The following TNNI3K variants were observed in gnomAD, a reference collection of about 807,000 sequenced individuals.
TNNI3K encodes TNNI3 interacting kinase, also known as serine/threonine-protein kinase TNNI3K.
TNNI3K carries 140 observed loss-of-function variants against 114.5 expected under a neutral mutation model. The ratio of observed to expected loss-of-function variants is 1.22; its 90% CI spans 1.07 to 1.41. The LOEUF (loss-of-function observed/expected upper bound fraction) is 1.41, where lower values mean the gene tolerates loss of function less well. TNNI3K is among the 40% of genes most tolerant of loss of function. TNNI3K has a pLI of 0.00. For missense variants in TNNI3K, 1,125 were observed against 1,007.6 expected (o/e 1.12, Z -1.58); for synonymous variants, 347 against 347.5 (o/e 1.00, Z 0.02).
intron 10 of TNNI3K, 131 bp downstream of exon 10, chr1:74,353,491 C>T: frequency 1.1e-6 from 1 of 942,610 alleles, no homozygotes; most frequent in Non-Finnish European, 1.6e-6. Flanking sequence ...CAACTGCCAG[C>T]ATTTAGAATT....
At chr1:74,538,516 T>C (rs971333100) in intron 23 of TNNI3K, among the ~76,000 whole-genome samples, 12 of 152,164 alleles carry the variant, frequency 7.9e-5, no homozygotes, top group African/African-American at 2.9e-4. Context: ...GGAAAGAATA[T>C]GGAGGGTGTA....
At chr1:74,422,805 G>A (rs1665462173) in intron 17 of TNNI3K, among the ~76,000 whole-genome samples, 1 of 152,084 alleles carries the variant, frequency 6.6e-6, no homozygotes, top group Admixed American at 6.6e-5. Flanking sequence ...ATGTTCTTCA[G>A]CAGGGATAAA....
At chr1:74,382,912 G>A (rs1663273086) in intron 17 of TNNI3K, among the ~76,000 whole-genome samples, 1 of 152,118 alleles carries the variant, frequency 6.6e-6, no homozygotes, top group Non-Finnish European at 1.5e-5. Flanking sequence ...AGGGTCTGGG[G>A]ATCTTGAGTG....
intron 17 of TNNI3K, among the ~76,000 whole-genome samples, chr1:74,391,223 T>C (rs1663753818): frequency 6.6e-6 from 1 of 152,146 alleles, no homozygotes; most frequent in African/African-American, 2.4e-5. Context: ...ATCCTGCCTT[T>C]ATGGAGGTTA....
chr1:74,480,012 T>C, intron 21 of TNNI3K: 1 of 603,936 alleles, frequency 1.7e-6, no homozygotes. Flanking sequence ...CCAAATCAGC[T>C]AATATCCTCC....
chr1:74,500,858 T>C (rs1669589578), intron 23 of TNNI3K, among the ~76,000 whole-genome samples: 1 of 152,006 alleles, frequency 6.6e-6, no homozygotes, highest in Non-Finnish European at 1.5e-5. Context: ...GTTATTTCTT[T>C]TGTTTTTAAT....
chr1:74,316,905 T>C (rs541349023), intron 5 of TNNI3K, among the ~76,000 whole-genome samples: 138 of 151,700 alleles, frequency 9.1e-4, no homozygotes, highest in African/African-American at 3.2e-3. Context: ...TTCACCATGA[T>C]AGCCGGAATT....
rs879079349 is a variant in TNNI3K at position 74,370,311 on chromosome 1, T to A, written c.1691T>A (p.Leu564Ter). The A allele has an allele frequency of 1.3e-6, 2 of 1,599,784 alleles. No homozygotes were observed. The highest frequency in any genetic ancestry group is 3.4e-5 in the Admixed American group (2 of 58,372). Reference protein sequence around the residue: ...QKRILDLQSKLIIAVDVAKGM... With the variant: ...QKRILDLQSK ...AGGATTCTTGATTTGCAGTCTAAAT[T>A]AATTATTGCAGTAGATGTTGCCAAA... The change falls in exon 17 of 25, where the codon TTA becomes TAA. Residue 564 changes from leucine to a stop codon, truncating the protein, a stop_gained. Coordinates refer to ENST00000326637, the MANE Select transcript of TNNI3K (RefSeq NM_015978.3). LOFTEE classifies it high-confidence loss of function.
chr1:74,364,029 C>T (rs1662125500), intron 11 of TNNI3K, among the ~76,000 whole-genome samples: 1 of 147,826 alleles, frequency 6.8e-6, no homozygotes, highest in Admixed American at 6.8e-5. Flanking sequence ...CAGGGTCTCA[C>T]CCAGGTCTAG....
chr1:74,270,083 T>G (rs1656248557), intron 4 of TNNI3K, among the ~76,000 whole-genome samples: 1 of 151,838 alleles, frequency 6.6e-6, no homozygotes, highest in African/African-American at 2.4e-5. Context: ...GGTGAGGTCC[T>G]TAATGCCTCA....
intron 17 of TNNI3K, among the ~76,000 whole-genome samples, chr1:74,397,276 G>C (rs765393614): frequency 6.6e-6 from 1 of 152,048 alleles, no homozygotes; most frequent in Non-Finnish European, 1.5e-5. Flanking sequence ...TACACAGAAG[G>C]TGAGACTGGA....
chr1:74,359,283 A>G (rs1417889), intron 11 of TNNI3K, among the ~76,000 whole-genome samples: 11,185 of 152,150 alleles, frequency 0.074, 587 homozygotes, highest in African/African-American at 0.14. Flanking sequence ...TGCTTGGCAC[A>G]TAACAGAGTC....
chr1:74,363,622 T>TG (rs1278431876), intron 11 of TNNI3K, among the ~76,000 whole-genome samples: 1 of 151,924 alleles, frequency 6.6e-6, no homozygotes, highest in Non-Finnish European at 1.5e-5. Context: ...GGGGAAAGCA[T>TG]GAGGCCCTCT....
intron 4 of TNNI3K, among the ~76,000 whole-genome samples, chr1:74,268,106 T>C (rs1211715710): frequency 3.3e-5 from 5 of 151,998 alleles, no homozygotes; most frequent in African/African-American, 1.2e-4. Context: ...AAACAATTTG[T>C]CAGTTTTATA....
chr1:74,433,763 C>G (rs1478973382), intron 17 of TNNI3K, among the ~76,000 whole-genome samples: 2 of 151,992 alleles, frequency 1.3e-5, no homozygotes, highest in Non-Finnish European at 2.9e-5. Context: ...TCAGGTGGGT[C>G]TAATCTTGCC....
At chr1:74,331,419 A>G (rs1045967128) in intron 5 of TNNI3K, 31 bp from the exon 6 acceptor site, 1 of 1,602,934 alleles carries the variant, frequency 6.2e-7, no homozygotes, top group Non-Finnish European at 8.5e-7. Flanking sequence ...ACTCAACTGA[A>G]GTTCTTAACC....
chr1:74,329,257 A>G (rs1660073881), intron 5 of TNNI3K, among the ~76,000 whole-genome samples: 1 of 152,052 alleles, frequency 6.6e-6, no homozygotes, highest in South Asian at 2.1e-4. Context: ...TTTTGGCATG[A>G]AACAGAGTAG....
chr1:74,527,928 G>A (rs1467341843), intron 23 of TNNI3K, among the ~76,000 whole-genome samples: 1 of 152,160 alleles, frequency 6.6e-6, no homozygotes, highest in Non-Finnish European at 1.5e-5. Context: ...GAGGGTGTCA[G>A]AACAAAAGTG....
At chr1:74,503,403 AG>A (rs2100349642) in intron 23 of TNNI3K, among the ~76,000 whole-genome samples, 1 of 152,362 alleles carries the variant, frequency 6.6e-6, no homozygotes, top group African/African-American at 2.4e-5. Flanking sequence ...AATTTACAAA[AG>A]ACTGTAGTGC....
Sources: allele counts gnomAD v4.1 joint callset (sites outside exome capture counted in the v4.1 genomes callset), GRCh38; gene constraint gnomAD v4.1.1; transcripts MANE v1.5; gene names NCBI Gene and HGNC (gene_info 2026-07-23, HGNC 2026-07-21).